NDUFAF2: variants seen among roughly 807,000 people sequenced by gnomAD.
NDUFAF2 encodes NADH dehydrogenase [ubiquinone] 1 alpha subcomplex assembly factor 2.
In NDUFAF2, 13 loss-of-function variants were observed where a neutral mutation model predicts 22.8. The observed-to-expected ratio is 0.57, with a 90% CI of 0.37 to 0.91. The LOEUF is 0.91. Ranked by LOEUF, NDUFAF2 falls within the 40% of genes least tolerant of loss-of-function variation. NDUFAF2 has a pLI of 0.01. For synonymous variants in NDUFAF2, 53 were observed against 64.2 expected (o/e 0.83, Z 0.84); for missense variants, 162 against 195.2 (o/e 0.83, Z 1.01).
chr5:60,946,062 T>G (rs940093854), intron 1 of NDUFAF2, among the ~76,000 whole-genome samples: 2 of 152,142 alleles, frequency 1.3e-5, no homozygotes, highest in Non-Finnish European at 2.9e-5. Context: ...ATCATGGTGT[T>G]ACTGTGTAGG....
At chr5:61,016,294 A>G (rs1177841883) in intron 1 of NDUFAF2, among the ~76,000 whole-genome samples, 1 of 152,216 alleles carries the variant, frequency 6.6e-6, no homozygotes, top group African/African-American at 2.4e-5. Flanking sequence ...AAAAAGGACC[A>G]AAGGCGGCAG....
chr5:61,092,326 ATAT>A (rs1752578978), intron 2 of NDUFAF2, among the ~76,000 whole-genome samples: 1 of 152,094 alleles, frequency 6.6e-6, no homozygotes, highest in Non-Finnish European at 1.5e-5. Context: ...CATTTTAGCA[ATAT>A]TGATTCTTCC....
intron 1 of NDUFAF2, among the ~76,000 whole-genome samples, chr5:61,063,202 T>C (rs1172002159): frequency 6.6e-6 from 1 of 151,990 alleles, no homozygotes; most frequent in African/African-American, 2.4e-5. Flanking sequence ...GTATAAAGGC[T>C]AAAAGTCAAA....
chr5:61,131,447 A>G (rs890591224), intron 3 of NDUFAF2, among the ~76,000 whole-genome samples: 3 of 152,014 alleles, frequency 2.0e-5, no homozygotes, highest in Non-Finnish European at 4.4e-5. Context: ...TTAGAGAGCA[A>G]TTTTCCAAAT....
chr5:61,071,365 T>C (rs1396228295), intron 1 of NDUFAF2, among the ~76,000 whole-genome samples: 1 of 152,172 alleles, frequency 6.6e-6, no homozygotes, highest in Non-Finnish European at 1.5e-5. Context: ...ATACTTAAGA[T>C]TTATTAGCCA....
intron 2 of NDUFAF2, among the ~76,000 whole-genome samples, chr5:61,093,607 C>T (rs374967911): frequency 4.7e-4 from 72 of 152,302 alleles, no homozygotes; most frequent in African/African-American, 1.7e-3. Flanking sequence ...AGGGATGAAG[C>T]CAACTTGATT....
intron 3 of NDUFAF2, among the ~76,000 whole-genome samples, chr5:61,113,739 C>G (rs1752874183): frequency 1.3e-5 from 2 of 152,136 alleles, no homozygotes; most frequent in Admixed American, 6.5e-5. Flanking sequence ...TCAATTAAAT[C>G]TCTTTCCTTT....
intron 1 of NDUFAF2, among the ~76,000 whole-genome samples, chr5:60,972,103 T>C: frequency 6.6e-6 from 1 of 151,828 alleles, no homozygotes; most frequent in East Asian, 1.9e-4. Flanking sequence ...CCACCGAGCC[T>C]GGCTAATTTT....
At chr5:60,950,238 G>A (rs886530829) in intron 1 of NDUFAF2, among the ~76,000 whole-genome samples, 1 of 152,014 alleles carries the variant, frequency 6.6e-6, no homozygotes, top group African/African-American at 2.4e-5. Flanking sequence ...CCAGGCTGGA[G>A]TGCAATAGCG....
At chr5:61,101,142 G>A (rs1458364453) in intron 3 of NDUFAF2, among the ~76,000 whole-genome samples, 1 of 151,996 alleles carries the variant, frequency 6.6e-6, no homozygotes, top group African/African-American at 2.4e-5. Context: ...TTTTCTTAAT[G>A]TAAAGTAAAA....
chr5:61,120,209 T>A (rs867104108), intron 3 of NDUFAF2, among the ~76,000 whole-genome samples: 31 of 152,284 alleles, frequency 2.0e-4, no homozygotes, highest in Middle Eastern at 3.4e-3. Flanking sequence ...TAAGAGAATA[T>A]AAAATTTATC....
chr5:61,086,426 G>A (rs1752506042), intron 2 of NDUFAF2, among the ~76,000 whole-genome samples: 1 of 152,082 alleles, frequency 6.6e-6, no homozygotes, highest in Non-Finnish European at 1.5e-5. Flanking sequence ...TTATCAAGGT[G>A]GTTTGGTACT....
rs189853851 is a variant in NDUFAF2 at position 61,152,159 on chromosome 5, A to G, written c.259-545A>G. On this transcript the variant is annotated intron_variant, in intron 3 of 3. Transcript: ENST00000296597. ...TGCAACAGTGTCTAGGGCATGCCAA[A>G]CCCTGATTCCATTCCTATCCTCCTC... 5.0e-4 allele frequency among the ~76,000 whole-genome samples: 76 copies of G among 152,220 alleles called. 1 individual carries two copies. The highest frequency in any genetic ancestry group is 1.8e-3 in the African/African-American group (74 of 41,526).
chr5:61,037,195 C>G (rs1015698977), intron 1 of NDUFAF2, among the ~76,000 whole-genome samples: 5 of 152,104 alleles, frequency 3.3e-5, no homozygotes, highest in Non-Finnish European at 7.4e-5. Context: ...GCCACATGGA[C>G]TATAAGATGA....
At chr5:61,082,816 G>A (rs927508113) in intron 2 of NDUFAF2, among the ~76,000 whole-genome samples, 2 of 152,148 alleles carry the variant, frequency 1.3e-5, no homozygotes, top group Non-Finnish European at 2.9e-5. Context: ...ATTGTGAATA[G>A]TGCTGCAATA....
chr5:60,987,569 A>G (rs550514325), intron 1 of NDUFAF2, among the ~76,000 whole-genome samples: 41 of 152,354 alleles, frequency 2.7e-4, no homozygotes, highest in African/African-American at 9.1e-4. Context: ...GCAGCATATC[A>G]AAATGGTAAT....
intron 3 of NDUFAF2, among the ~76,000 whole-genome samples, chr5:61,107,044 T>TACACACACACAC (rs71578646): frequency 0.032 from 2,044 of 64,452 alleles, 19 homozygotes; most frequent in East Asian, 0.058. Flanking sequence ...TTTGGATAAA[T>TACACACACACAC]ATACACACAC....
chr5:61,053,810 G>T (rs1372003000), intron 1 of NDUFAF2, among the ~76,000 whole-genome samples: 1 of 151,958 alleles, frequency 6.6e-6, no homozygotes, highest in Non-Finnish European at 1.5e-5. Context: ...GAAATGAGAG[G>T]GACCTGGATG....
At chr5:61,030,623 A>G (rs1381279288) in intron 1 of NDUFAF2, among the ~76,000 whole-genome samples, 7 of 151,918 alleles carry the variant, frequency 4.6e-5, no homozygotes, top group Non-Finnish European at 1.0e-4. Flanking sequence ...CTTTCTTAGC[A>G]TTTTAAAAGT....
Sources: gnomAD v4.1 joint callset for allele counts (sites outside exome capture counted in the v4.1 genomes callset) on GRCh38, gnomAD v4.1.1 for gene constraint, MANE v1.5 for transcripts, NCBI Gene and HGNC (gene_info 2026-07-23, HGNC 2026-07-21) for gene names.